Variants in TMEM117 observed in about 807,000 individuals in gnomAD.
The protein encoded by TMEM117 is transmembrane protein 117.
A neutral mutation model predicts 52.4 loss-of-function variants in TMEM117; 27 were observed. That is an observed-to-expected ratio of 0.51 (90% CI 0.38 to 0.71). The LOEUF (loss-of-function observed/expected upper bound fraction) is 0.71, where lower values mean the gene tolerates loss of function less well. Ranked by LOEUF, TMEM117 falls within the 30% of genes least tolerant of loss-of-function variation. The pLI is 0.00. For missense variants in TMEM117, 556 were observed against 630.5 expected, an observed-to-expected ratio of 0.88 and a Z score of 1.26; for synonymous variants, 215 against 206.3, an observed-to-expected ratio of 1.04 and a Z score of -0.36.
At chr12:44,229,152 A>G (rs969797338) in intron 5 of TMEM117, among the ~76,000 whole-genome samples, 2 of 152,096 alleles carry the variant, frequency 1.3e-5, no homozygotes, top group Non-Finnish European at 2.9e-5. Context: ...TGCCATTTAG[A>G]GATGGAAAAA....
At chr12:44,278,554 C>T (rs1241085750) in intron 5 of TMEM117, among the ~76,000 whole-genome samples, 1 of 152,144 alleles carries the variant, frequency 6.6e-6, no homozygotes, top group Non-Finnish European at 1.5e-5. Context: ...TTCTGCTGTT[C>T]CTCAATGTGA....
intron 3 of TMEM117, among the ~76,000 whole-genome samples, chr12:43,962,507 C>A (rs1430275373): frequency 6.6e-6 from 1 of 152,128 alleles, no homozygotes; most frequent in Non-Finnish European, 1.5e-5. Flanking sequence ...CACTTTATGT[C>A]ATTTACAATA....
At chr12:44,311,841 A>G (rs182701807) in intron 6 of TMEM117, among the ~76,000 whole-genome samples, 2,268 of 80,366 alleles carry the variant, frequency 0.028, 135 homozygotes, top group African/African-American at 0.11. Context: ...GTATATATGT[A>G]TATATATGTA....
intron 4 of TMEM117, among the ~76,000 whole-genome samples, chr12:44,193,941 C>T (rs1400523310): frequency 6.6e-6 from 1 of 152,010 alleles, no homozygotes; most frequent in African/African-American, 2.4e-5. Flanking sequence ...AACACAGAAA[C>T]AAGTGTCATG....
At chr12:44,101,096 A>T (rs1292373499) in intron 3 of TMEM117, among the ~76,000 whole-genome samples, 1 of 151,694 alleles carries the variant, frequency 6.6e-6, no homozygotes, top group Non-Finnish European at 1.5e-5. Context: ...CTCTCTGGGG[A>T]CTCTTTTAGA....
chr12:44,388,843 T>C lies in TMEM117; in HGVS notation c.*171T>C, dbSNP rs1592736514. 21 of 732,820 alleles carry C rather than the reference T, an allele frequency of 2.9e-5. No homozygotes were observed. The East Asian group carries it at 5.7e-4, about 20-fold the overall frequency. The allele number at this position is 732,820 out of a possible 1,614,324, so 45.4% of individuals were successfully genotyped here. A position where few individuals can be genotyped will look rare whatever the true frequency, so the allele number is the denominator to read the frequency against. On this transcript the variant is annotated 3_prime_UTR_variant, in exon 8 of 8. Coordinates refer to ENST00000266534, the MANE Select transcript of TMEM117 (RefSeq NM_032256.3). ...TAGGATTCATTGTTTTCTATTTGTA[T>C]TATAATACACGTGCCTACTGTATAC...
Position 44,322,035 on chromosome 12 carries a change from C to G in TMEM117, c.768+22296C>G, listed in dbSNP as rs996142359. Among the ~76,000 whole-genome samples, 15 of 152,224 alleles carry G rather than the reference C, an allele frequency of 9.9e-5. 1 individual carries two copies. Among genetic ancestry groups the G allele is most frequent in the Middle Eastern group, 3.4e-3 (1 of 294 alleles). On this transcript the variant is annotated intron_variant, in intron 6 of 7. Coordinates refer to ENST00000266534, the MANE Select transcript of TMEM117 (RefSeq NM_032256.3). ...ATTTTTTTCTAAACTGGAAAATTCT[C>G]TAGCCATAATGACCTGGGTAGGGAT...
intron 3 of TMEM117, among the ~76,000 whole-genome samples, chr12:44,024,651 GT>G (rs1185348326): frequency 2.6e-4 from 39 of 151,732 alleles, no homozygotes; most frequent in African/African-American, 8.9e-4. Flanking sequence ...GGGAGAGAGA[GT>G]AGGAAAACAG....
intron 3 of TMEM117, among the ~76,000 whole-genome samples, chr12:44,095,526 C>T (rs184638491): frequency 1.3e-4 from 20 of 151,744 alleles, no homozygotes; most frequent in Admixed American, 1.3e-3. Context: ...TGAATAGAGG[C>T]TGGATAGTGA....
chr12:43,829,107 G>A, the TMEM117 span, among the ~76,000 whole-genome samples: 1 of 152,090 alleles, frequency 6.6e-6, no homozygotes, highest in Non-Finnish European at 1.5e-5. Flanking sequence ...TTTCTGTGCT[G>A]CTCCTCATTG....
intron 2 of TMEM117, among the ~76,000 whole-genome samples, chr12:43,864,223 G>A (rs1943542771): frequency 6.6e-6 from 1 of 152,174 alleles, no homozygotes; most frequent in Non-Finnish European, 1.5e-5. Flanking sequence ...TCCCCGACCA[G>A]CACCTCCCCC....
At chr12:44,354,164 AG>A (rs1419149983) in intron 6 of TMEM117, among the ~76,000 whole-genome samples, 2 of 152,140 alleles carry the variant, frequency 1.3e-5, no homozygotes, top group Non-Finnish European at 2.9e-5. Context: ...ACTTTGCTGA[AG>A]TTGCTTATCA....
chr12:43,906,359 A>T (rs60306990), intron 2 of TMEM117, among the ~76,000 whole-genome samples: 5 of 151,948 alleles, frequency 3.3e-5, no homozygotes, highest in African/African-American at 9.6e-5. Flanking sequence ...GCTACTCGGG[A>T]GGCTGAGGCA....
In TMEM117 at chr12:43,962,591, A is replaced by G. The variant is rs1191325316; in HGVS notation, c.410+18249A>G. ...TTTTGATATATATTTTGTAGCCTAC[A>G]TAGTTTAATTCTCTCTCCCTAAAAT... On this transcript the variant is annotated intron_variant, in intron 3 of 7. Transcript: ENST00000266534. Among the ~76,000 whole-genome samples, 3 of 152,174 alleles carry G rather than the reference A, an allele frequency of 2.0e-5. No individual in the cohort carries two copies. In the East Asian group the frequency reaches 5.8e-4, roughly 29 times the overall value.
At chr12:43,994,858 A>G (rs1203997639) in intron 3 of TMEM117, among the ~76,000 whole-genome samples, 1 of 152,130 alleles carries the variant, frequency 6.6e-6, no homozygotes, top group African/African-American at 2.4e-5. Flanking sequence ...ATGAGTGCCT[A>G]TTGTGTGCTA....
chr12:44,367,752 TTTCTTACCCAC>T (rs1274095327), intron 6 of TMEM117, among the ~76,000 whole-genome samples: 1 of 152,090 alleles, frequency 6.6e-6, no homozygotes, highest in African/African-American at 2.4e-5. Context: ...GCTCTCTGGA[TTTCTTACCCAC>T]TTCTCTATTT....
At chr12:43,971,493 A>C (rs1034557644) in intron 3 of TMEM117, among the ~76,000 whole-genome samples, 1 of 152,136 alleles carries the variant, frequency 6.6e-6, no homozygotes, top group Non-Finnish European at 1.5e-5. Context: ...TTTCTTTTTC[A>C]AACCTCTAGG....
intron 5 of TMEM117, among the ~76,000 whole-genome samples, chr12:44,280,263 C>A (rs1950561892): frequency 6.6e-6 from 1 of 152,136 alleles, no homozygotes; most frequent in African/African-American, 2.4e-5. Context: ...ACAATCAGTG[C>A]AAAACCAAAT....
intron 2 of TMEM117, among the ~76,000 whole-genome samples, chr12:43,917,316 G>T (rs145698655): frequency 1.3e-5 from 2 of 151,582 alleles, no homozygotes; most frequent in Non-Finnish European, 2.9e-5. Context: ...CAGGAGGATC[G>T]CTTGAGCTCA....
Sources: allele counts gnomAD v4.1 joint callset (sites outside exome capture counted in the v4.1 genomes callset), GRCh38; gene constraint gnomAD v4.1.1; transcripts MANE v1.5; gene names NCBI Gene and HGNC (gene_info 2026-07-23, HGNC 2026-07-21).